The following DCC variants were observed in gnomAD, a reference collection of about 807,000 sequenced individuals.
DCC encodes the protein DCC netrin 1 receptor.
In DCC, 58 loss-of-function variants were observed where a neutral mutation model predicts 172.5. That is an observed-to-expected ratio of 0.34 (90% CI 0.27 to 0.42). DCC has a LOEUF of 0.42. DCC is among the 10% of genes least tolerant of loss of function. The pLI, the probability that DCC is intolerant of heterozygous loss-of-function variation, is 1.00. For synonymous variants in DCC, 709 were observed against 644.5 expected (o/e 1.10, Z -1.52); for missense variants, 1,740 against 1,791.0 (o/e 0.97, Z 0.51).
At chr18:53,499,177 G>T in intron 26 of DCC, 121 bp from the exon 27 acceptor site, 1 of 941,698 alleles carries the variant, frequency 1.1e-6, no homozygotes. Flanking sequence ...TCATAACTTG[G>T]AGAAGAGACT....
intron 15 of DCC, among the ~76,000 whole-genome samples, chr18:53,354,700 C>T (rs1228325792): frequency 2.0e-5 from 3 of 151,576 alleles, no homozygotes; most frequent in Non-Finnish European, 4.4e-5. Context: ...TTCTCCCATT[C>T]TGTAGGTTGC....
intron 1 of DCC, among the ~76,000 whole-genome samples, chr18:52,403,446 A>G (rs1302252216): frequency 6.6e-6 from 1 of 151,972 alleles, no homozygotes; most frequent in Non-Finnish European, 1.5e-5. Context: ...CTCATACTTA[A>G]CACCCTGATT....
chr18:53,032,316 T>A (rs752443254), intron 5 of DCC, among the ~76,000 whole-genome samples: 13 of 152,172 alleles, frequency 8.5e-5, no homozygotes, highest in Non-Finnish European at 1.9e-4. Flanking sequence ...GAAAGAAAGA[T>A]AATTTTCTGG....
rs371321093 is a variant in DCC at position 53,030,516 on chromosome 18, G to A, written c.986-32789G>A. 3.4e-4 allele frequency among the ~76,000 whole-genome samples: 52 copies of A among 152,046 alleles called. 1 individual carries two copies. The highest frequency in any genetic ancestry group is 1.3e-3 in the African/African-American group (52 of 41,458). ...GCACTCTTCTTTAAGCTGGAAATAT[G>A]TTCACTACTAATTTATGAAAACTTA... On this transcript the variant is annotated intron_variant, in intron 5 of 28. Transcript: ENST00000442544.
intron 5 of DCC, among the ~76,000 whole-genome samples, chr18:52,948,644 A>G (rs1032371136): frequency 6.6e-6 from 1 of 152,082 alleles, no homozygotes; most frequent in African/African-American, 2.4e-5. Flanking sequence ...TTCTCCTCCA[A>G]AACTGAATCC....
At chr18:53,387,550 G>A (rs1047480407) in intron 16 of DCC, among the ~76,000 whole-genome samples, 9 of 152,102 alleles carry the variant, frequency 5.9e-5, no homozygotes, top group African/African-American at 7.2e-5. Context: ...ACTATCAAAC[G>A]TGTTATCTCC....
chr18:53,062,972 G>A (rs1342052785), intron 5 of DCC, among the ~76,000 whole-genome samples: 1 of 151,724 alleles, frequency 6.6e-6, no homozygotes, highest in Non-Finnish European at 1.5e-5. Context: ...AGTTTCCAAA[G>A]ACTTATGTAC....
chr18:53,205,158 A>C, intron 9 of DCC, 58 bp from the exon 10 acceptor site: 1 of 1,419,182 alleles, frequency 7.0e-7, no homozygotes, highest in Non-Finnish European at 1.0e-6. Flanking sequence ...TGTTTTGAGA[A>C]CAAAAACCCA....
At chr18:53,192,208 CT>C (rs2055375836) in intron 9 of DCC, among the ~76,000 whole-genome samples, 2 of 152,254 alleles carry the variant, frequency 1.3e-5, no homozygotes, top group African/African-American at 4.8e-5. Flanking sequence ...GTTAAAGGTG[CT>C]TCTCAGTGAT....
intron 2 of DCC, among the ~76,000 whole-genome samples, chr18:52,785,886 A>C (rs555465683): frequency 6.7e-6 from 1 of 149,806 alleles, no homozygotes; most frequent in Non-Finnish European, 1.5e-5. Flanking sequence ...ACAACCAACT[A>C]TTATTTTTAG....
At chr18:52,860,369 T>G (rs952711297) in intron 2 of DCC, among the ~76,000 whole-genome samples, 3 of 152,184 alleles carry the variant, frequency 2.0e-5, no homozygotes, top group African/African-American at 7.2e-5. Context: ...AAGCACAGTT[T>G]TTGGTTTTAA....
At chr18:52,416,226 T>C (rs1987023615) in intron 1 of DCC, among the ~76,000 whole-genome samples, 1 of 152,268 alleles carries the variant, frequency 6.6e-6, no homozygotes, top group Non-Finnish European at 1.5e-5. Context: ...GATTGCACTG[T>C]GGTCTGAGAG....
intron 5 of DCC, among the ~76,000 whole-genome samples, chr18:52,988,474 T>C (rs1157925483): frequency 6.6e-6 from 1 of 152,128 alleles, no homozygotes; most frequent in Non-Finnish European, 1.5e-5. Flanking sequence ...ATTCTTAACA[T>C]ATTTAAAAAA....
intron 5 of DCC, among the ~76,000 whole-genome samples, chr18:52,958,192 C>T (rs2040778843): frequency 6.6e-6 from 1 of 151,850 alleles, no homozygotes; most frequent in African/African-American, 2.4e-5. Flanking sequence ...TCTATTTCTT[C>T]TATCCTTTTA....
At chr18:53,108,519 A>G (rs1162318756) in intron 7 of DCC, among the ~76,000 whole-genome samples, 2 of 151,794 alleles carry the variant, frequency 1.3e-5, no homozygotes, top group Admixed American at 6.6e-5. Flanking sequence ...TTGTTGTCAT[A>G]TATTACAAAT....
chr18:52,691,106 G>C (rs1233184908), intron 1 of DCC, among the ~76,000 whole-genome samples: 1 of 152,160 alleles, frequency 6.6e-6, no homozygotes, highest in Non-Finnish European at 1.5e-5. Flanking sequence ...CTCATTCCCT[G>C]TAGGCAGATA....
chr18:53,514,749 G>C (rs57046571), intron 27 of DCC, among the ~76,000 whole-genome samples: 15,181 of 152,020 alleles, frequency 0.1, 2,315 homozygotes, highest in African/African-American at 0.33. Context: ...ACTAAACCAG[G>C]AAGAAATTGA....
At chr18:52,764,712 C>G (rs62081915) in intron 2 of DCC, among the ~76,000 whole-genome samples, 1 of 151,888 alleles carries the variant, frequency 6.6e-6, no homozygotes, top group African/African-American at 2.4e-5. Context: ...GCCAAATGAA[C>G]GTTTTTTCTT....
At position 52,405,978 on chromosome 18, in the gene DCC, A is replaced by G. The variant is rs901262570; in HGVS notation, c.91+65100A>G. Among the ~76,000 whole-genome samples the G allele has an allele frequency of 7.3e-4, 110 of 151,560 alleles. 4 individuals carry two copies. The South Asian group carries it at 0.022, about 30-fold the overall frequency. On this transcript the variant is annotated intron_variant, in intron 1 of 28. Coordinates refer to ENST00000442544, the MANE Select transcript of DCC (RefSeq NM_005215.4). Reference sequence around the variant, plus strand: ...AGTACTGGTACCAAAACAGAGATATAGATCAATGGAACAGAACAGAGCCCT... The same window carrying G: ...AGTACTGGTACCAAAACAGAGATATGGATCAATGGAACAGAACAGAGCCCT...
Sources: gnomAD v4.1 joint callset for allele counts (sites outside exome capture counted in the v4.1 genomes callset) on GRCh38, gnomAD v4.1.1 for gene constraint, MANE v1.5 for transcripts, NCBI Gene and HGNC (gene_info 2026-07-23, HGNC 2026-07-21) for gene names.